The following CAMTA1 variants were observed in gnomAD, a reference collection of about 807,000 sequenced individuals.
CAMTA1 encodes the protein calmodulin-binding transcription activator 1.
CAMTA1 carries 27 observed loss-of-function variants against 170.9 expected under a neutral mutation model. That is an observed-to-expected ratio of 0.16 (90% CI 0.12 to 0.22). The LOEUF (loss-of-function observed/expected upper bound fraction) is 0.22. Ranked by LOEUF, CAMTA1 falls within the 10% of genes least tolerant of loss-of-function variation. CAMTA1 has a pLI of 1.00. For synonymous variants in CAMTA1, 833 were observed against 891.5 expected, an observed-to-expected ratio of 0.93 and a Z score of 1.17; for missense variants, 1,619 against 2,217.2, an observed-to-expected ratio of 0.73 and a Z score of 5.42.
At chr1:7,245,470 G>A (rs190752049) in intron 4 of CAMTA1, among the ~76,000 whole-genome samples, 6 of 151,450 alleles carry the variant, frequency 4.0e-5, no homozygotes, top group Admixed American at 2.6e-4. Context: ...ATATATATAC[G>A]ATATCTTTCT....
At chr1:6,904,889 G>T (rs1678031647) in intron 3 of CAMTA1, among the ~76,000 whole-genome samples, 1 of 151,812 alleles carries the variant, frequency 6.6e-6, no homozygotes, top group Non-Finnish European at 1.5e-5. Flanking sequence ...CGCCACACCT[G>T]GCCTAAGCCT....
chr1:6,842,832 G>C (rs1356997048), intron 3 of CAMTA1, among the ~76,000 whole-genome samples: 1 of 152,062 alleles, frequency 6.6e-6, no homozygotes, highest in East Asian at 1.9e-4. Context: ...GCCAAGGCAG[G>C]AGAATTGCTT....
intron 6 of CAMTA1, among the ~76,000 whole-genome samples, chr1:7,623,879 C>G (rs1316134625): frequency 6.6e-6 from 1 of 152,206 alleles, no homozygotes; most frequent in African/African-American, 2.4e-5. Context: ...AATTGCTGTC[C>G]CCTGGTAGCT....
chr1:6,800,786 C>G (rs1557576306), intron 1 of CAMTA1, among the ~76,000 whole-genome samples: 1 of 152,172 alleles, frequency 6.6e-6, no homozygotes, highest in Admixed American at 6.5e-5. Context: ...TGAACCTGCT[C>G]CCTGGGCCTC....
chr1:6,938,951 CT>C (rs927463398), intron 3 of CAMTA1, among the ~76,000 whole-genome samples: 4 of 152,228 alleles, frequency 2.6e-5, no homozygotes, highest in African/African-American at 9.6e-5. Flanking sequence ...ACGTTTGGGC[CT>C]GACAGATATG....
chr1:7,766,059 T>C (rs1487276605), intron 22 of CAMTA1, among the ~76,000 whole-genome samples: 1 of 150,088 alleles, frequency 6.7e-6, no homozygotes, highest in African/African-American at 2.4e-5. Context: ...AATAAATGCA[T>C]GTACAGTTTC....
chr1:7,320,570 T>A (rs1678222228), intron 5 of CAMTA1, among the ~76,000 whole-genome samples: 1 of 151,756 alleles, frequency 6.6e-6, no homozygotes, highest in Non-Finnish European at 1.5e-5. Flanking sequence ...AAAGACATGA[T>A]GAGGACCACT....
At chr1:7,694,273 T>G (rs1397417509) in intron 11 of CAMTA1, 9 of 152,348 alleles carry the variant, frequency 5.9e-5, no homozygotes, top group Admixed American at 5.2e-4. Flanking sequence ...ACAGATCTTA[T>G]GTAGTATTCA....
rs1389469747 is a variant in CAMTA1 at position 7,463,001 on chromosome 1, G to C, written c.439-4829G>C. 6.6e-6 allele frequency among the ~76,000 whole-genome samples: 1 copy of C among 152,240 alleles called. No individual in the cohort carries two copies. The highest frequency in any genetic ancestry group is 2.4e-5 in the African/African-American group (1 of 41,472). The stretch of plus-strand genomic sequence containing the variant: ...GGAGGGGGACCTGAGCTGGACTCCA[G>C]CTGAGCGGGGTCTTCGGAGGCAGCA... On this transcript the variant is annotated intron_variant, in intron 5 of 22. Transcript: ENST00000303635. This position sits in a 1 kb window ranked among gnomAD's most constrained non-coding sequence, Gnocchi z 4.7.
At chr1:6,928,730 C>A (rs1048917752) in intron 3 of CAMTA1, among the ~76,000 whole-genome samples, 1 of 152,204 alleles carries the variant, frequency 6.6e-6, no homozygotes, top group Non-Finnish European at 1.5e-5. Context: ...TCAGGCCCGT[C>A]CTTGGCTTGC....
At chr1:7,354,870 C>T (rs761322501) in intron 5 of CAMTA1, among the ~76,000 whole-genome samples, 3 of 152,124 alleles carry the variant, frequency 2.0e-5, no homozygotes, top group Non-Finnish European at 4.4e-5. Flanking sequence ...GTCTTCTGAA[C>T]TCTTTCTAAA....
chr1:7,725,057 G>A (rs2096674750), intron 11 of CAMTA1, among the ~76,000 whole-genome samples: 1 of 152,156 alleles, frequency 6.6e-6, no homozygotes, highest in African/African-American at 2.4e-5. Flanking sequence ...CAAAAAAGGA[G>A]CACAGGGAGA....
At chr1:6,920,310 T>C (rs370061193) in intron 3 of CAMTA1, among the ~76,000 whole-genome samples, 6 of 152,250 alleles carry the variant, frequency 3.9e-5, no homozygotes, top group African/African-American at 1.4e-4. Flanking sequence ...CTCCTTTGAC[T>C]GCATGTCTTG....
intron 3 of CAMTA1, among the ~76,000 whole-genome samples, chr1:7,037,543 A>T (rs17030177): frequency 1.3e-5 from 2 of 152,198 alleles, no homozygotes; most frequent in African/African-American, 2.4e-5. Context: ...TAAGTTTTAG[A>T]TAAATTTAAA....
chr1:7,422,334 T>G (rs1329692463), intron 5 of CAMTA1, among the ~76,000 whole-genome samples: 2 of 152,082 alleles, frequency 1.3e-5, no homozygotes, highest in Admixed American at 6.5e-5. Context: ...TGGTGGATCC[T>G]CCTGCTGGGG....
intron 5 of CAMTA1, among the ~76,000 whole-genome samples, chr1:7,323,035 T>A (rs1678690979): frequency 6.9e-6 from 1 of 144,148 alleles, no homozygotes; most frequent in South Asian, 2.5e-4. Flanking sequence ...TCTTTCCTTC[T>A]ACTTTTTGTG....
intron 5 of CAMTA1, among the ~76,000 whole-genome samples, chr1:7,272,222 A>G (rs958746761): frequency 1.3e-5 from 2 of 152,174 alleles, no homozygotes; most frequent in African/African-American, 4.8e-5. Flanking sequence ...GGAAAACTAC[A>G]GAAATATTCT....
chr1:7,264,117 CCTGCAAAGGACGCTT>C (rs991692075), intron 5 of CAMTA1, among the ~76,000 whole-genome samples: 5 of 152,164 alleles, frequency 3.3e-5, no homozygotes, highest in African/African-American at 1.2e-4. Flanking sequence ...CCTGGATGCT[CCTGCAAAGGACGCTT>C]CTGCAAAGGA....
In CAMTA1 at chr1:7,344,801, G is replaced by A. The variant is rs1193647446; in HGVS notation, c.438+95175G>A. On this transcript the variant is annotated intron_variant, in intron 5 of 22. Coordinates refer to ENST00000303635, the MANE Select transcript of CAMTA1 (RefSeq NM_015215.4). ...CTCGCTCTGTTGCCCAGGCTGGAGT[G>A]CAGTGGCGTGATCTTGGCTCACTGC... is the stretch of plus-strand genomic sequence containing the variant. Among the ~76,000 whole-genome samples, 7 of 149,470 alleles carry A rather than the reference G, an allele frequency of 4.7e-5. No individual in the cohort carries two copies. The East Asian group carries it at 1.4e-3, about 30-fold the overall frequency.
Sources: allele counts gnomAD v4.1 joint callset (sites outside exome capture counted in the v4.1 genomes callset), GRCh38; gene constraint gnomAD v4.1.1; non-coding constraint Gnocchi (gnomAD v3.1); transcripts MANE v1.5; gene names NCBI Gene and HGNC (gene_info 2026-07-23, HGNC 2026-07-21).